The following ADH7 variants were observed in gnomAD, a reference collection of about 807,000 sequenced individuals.
ADH7 encodes all-trans-retinol dehydrogenase [NAD(+)] ADH7.
Under a neutral mutation model 34.4 loss-of-function variants are expected in ADH7, and 41 were observed. The ratio of observed to expected loss-of-function variants is 1.19; its 90% confidence interval spans 0.93 to 1.55. The LOEUF is 1.55. Among genes scored for constraint, ADH7 ranks in the 40% most tolerant of loss-of-function variants. ADH7 has a pLI of 0.00. For missense variants in ADH7, 540 were observed against 461.2 expected (o/e 1.17, Z -1.56); for synonymous variants, 180 against 160.9 (o/e 1.12, Z -0.90).
intron 5 of ADH7, among the ~76,000 whole-genome samples, chr4:99,425,003 G>A (rs1005906148): frequency 6.6e-6 from 1 of 151,816 alleles, no homozygotes; most frequent in Non-Finnish European, 1.5e-5. Context: ...TATGACATTG[G>A]CTGTGGATTT....
At chr4:99,428,062 T>A in intron 4 of ADH7, 25 bp downstream of exon 4, 4 of 1,613,444 alleles carry the variant, frequency 2.5e-6, no homozygotes, top group Non-Finnish European at 3.4e-6. Context: ...GTAAATACAT[T>A]AAAGTAAAAA....
At chr4:99,417,972 GA>G (rs1721558209) in intron 7 of ADH7, among the ~76,000 whole-genome samples, 1 of 152,092 alleles carries the variant, frequency 6.6e-6, no homozygotes, top group Non-Finnish European at 1.5e-5. Flanking sequence ...GCAGAAAGAG[GA>G]AAAACTTTGT....
chr4:99,415,355 G>A, intron 8 of ADH7, 123 bp downstream of exon 8: 1 of 1,041,132 alleles, frequency 9.6e-7, no homozygotes, highest in Non-Finnish European at 1.4e-6. Flanking sequence ...GTAATTAGCT[G>A]TATCAATCTG....
intron 7 of ADH7, 107 bp from the exon 8 acceptor site, chr4:99,415,723 T>C: frequency 8.4e-7 from 1 of 1,189,308 alleles, no homozygotes; most frequent in South Asian, 1.6e-5. Context: ...TTCCCTGTGT[T>C]AGATCATTCC....
chr4:99,428,639 A>C lies in ADH7; in HGVS notation c.121-9T>G, dbSNP rs762018278. 1 of 1,610,118 alleles carries C rather than the reference A, an allele frequency of 6.2e-7. No individual in the cohort carries two copies. The highest frequency in any genetic ancestry group is 1.1e-5 in the South Asian group (1 of 89,996). ...ATTCCTGTGGCCAAAATCTGTGTTC[A>C]AAGACAAAAACATTGCACCAATCAA... On this transcript the variant is annotated splice_polypyrimidine_tract_variant and intron_variant, in intron 2 of 8. Coordinates refer to ENST00000437033, the MANE Select transcript of ADH7 (RefSeq NM_000673.7).
intron 1 of ADH7, chr4:99,430,436 C>T (rs941188419): frequency 1.3e-5 from 2 of 152,144 alleles, no homozygotes; most frequent in African/African-American, 4.8e-5. Flanking sequence ...GAGACAGACA[C>T]ACATAGAGAA....
intron 5 of ADH7, among the ~76,000 whole-genome samples, chr4:99,421,787 A>G (rs899326357): frequency 6.6e-6 from 1 of 152,232 alleles, no homozygotes; most frequent in Non-Finnish European, 1.5e-5. Flanking sequence ...TTTACAAGGA[A>G]CTTAAACAAA....
chr4:99,429,544 T>G lies in ADH7; in HGVS notation c.108A>C (p.Glu36Asp). The G allele has an allele frequency of 6.2e-7, 1 of 1,611,466 alleles. No individual in the cohort carries two copies. Among genetic ancestry groups the G allele is most frequent in the Non-Finnish European group, 8.5e-7 (1 of 1,178,606 alleles). Residue 36 changes from glutamate (E) to aspartate (D), a missense_variant, in exon 2 of 9, where the codon GAA becomes GAC. Glu to Asp is a conservative substitution (Grantham distance 45). Transcript: ENST00000437033. Reference sequence around the variant, plus strand: ...GGCTCACGCTTACCTTAATGCGAACTTCTTTAGTCTTTGGTGGGGCAACTT... The same window carrying G: ...GGCTCACGCTTACCTTAATGCGAACGTCTTTAGTCTTTGGTGGGGCAACTT... The part of the protein sequence containing the change: ...EIEVAPPKTK[E>D]VRIKILATGI...
chr4:99,415,814 C>T, intron 7 of ADH7, 198 bp from the exon 8 acceptor site: 1 of 433,040 alleles, frequency 2.3e-6, no homozygotes. Flanking sequence ...GAGTTCATGT[C>T]CTTTGCAGGG....
rs1357603958 is a variant in ADH7 at position 99,420,871 on chromosome 4, A to G, written c.565-78T>C. On this transcript the variant is annotated intron_variant, in intron 5 of 8. Coordinates refer to ENST00000437033, the MANE Select transcript of ADH7 (RefSeq NM_000673.7). The stretch of plus-strand genomic sequence containing the variant: ...ACCTGAAAAGGGCCTCCAGTTAAAA[A>G]CACAAATCATGAGTGAACTCCCATT... 6 of 1,390,638 alleles carry G rather than the reference A, an allele frequency of 4.3e-6. No individual in the cohort carries two copies. In the South Asian group the frequency reaches 7.8e-5, roughly 18 times the overall value. 86.1% of individuals were successfully genotyped at this position (1,390,638 alleles called of 1,614,324 possible).
At chr4:99,416,279 T>C (rs1330141881) in intron 7 of ADH7, among the ~76,000 whole-genome samples, 1 of 152,212 alleles carries the variant, frequency 6.6e-6, no homozygotes, top group Non-Finnish European at 1.5e-5. Flanking sequence ...TTCAGTTCAC[T>C]GTTTCTGGAT....
At chr4:99,420,398 T>C in intron 6 of ADH7, 135 bp downstream of exon 6, 2 of 1,070,852 alleles carry the variant, frequency 1.9e-6, no homozygotes, top group Non-Finnish European at 2.6e-6. Flanking sequence ...GATTATCAGT[T>C]TTTGCCTGAG....
At chr4:99,423,787 C>T (rs943760470) in intron 5 of ADH7, among the ~76,000 whole-genome samples, 3 of 152,142 alleles carry the variant, frequency 2.0e-5, no homozygotes, top group Admixed American at 1.3e-4. Context: ...AGCCCTTTGT[C>T]AGATGAGTAG....
chr4:99,418,993 G>C lies in ADH7; in HGVS notation c.954C>G (p.Val318=). The change falls in exon 7 of 9, where the codon GTC becomes GTG. Residue 318 remains valine, a synonymous_variant. Coordinates refer to ENST00000437033, the MANE Select transcript of ADH7 (RefSeq NM_000673.7). ...AGGCTTTGCTTTCCTGACCTCCAAA[G>C]ACACATCCCTTCCATGTGCGTCCAG... ...LFTGRTWKGC[V]FGGLKSRDDV... is the part of the protein sequence containing the mutation. 1 of 1,613,702 alleles carries C rather than the reference G, an allele frequency of 6.2e-7. No homozygotes were observed. Among genetic ancestry groups the C allele is most frequent in the Non-Finnish European group, 8.5e-7 (1 of 1,179,738 alleles).
At chr4:99,425,386 C>CA (rs1386541028) in intron 5 of ADH7, among the ~76,000 whole-genome samples, 1 of 151,346 alleles carries the variant, frequency 6.6e-6, no homozygotes, top group African/African-American at 2.4e-5. Context: ...AAATGGAAAA[C>CA]AAAAAAAGGC....
At chr4:99,420,429 A>C in intron 6 of ADH7, 104 bp downstream of exon 6, 2 of 1,291,444 alleles carry the variant, frequency 1.5e-6, no homozygotes, top group Non-Finnish European at 2.1e-6. Flanking sequence ...TATCGCAGAG[A>C]TATTTCCATT....
At chr4:99,422,206 A>G (rs758122256) in intron 5 of ADH7, among the ~76,000 whole-genome samples, 5 of 152,254 alleles carry the variant, frequency 3.3e-5, no homozygotes, top group Non-Finnish European at 7.3e-5. Flanking sequence ...ATGCACACGT[A>G]TGTTTATTGC....
chr4:99,425,825 C>T (rs932972871), intron 5 of ADH7, among the ~76,000 whole-genome samples: 20 of 152,006 alleles, frequency 1.3e-4, no homozygotes, highest in Non-Finnish European at 2.8e-4. Flanking sequence ...CTCTCCTCAG[C>T]AAATGTAAAA....
At chr4:99,429,910 T>C (rs969027459) in intron 1 of ADH7, among the ~76,000 whole-genome samples, 1 of 152,118 alleles carries the variant, frequency 6.6e-6, no homozygotes, top group Non-Finnish European at 1.5e-5. Flanking sequence ...TTTTCCCAAC[T>C]TATTGATTTT....
Sources: allele counts gnomAD v4.1 joint callset (sites outside exome capture counted in the v4.1 genomes callset), GRCh38; gene constraint gnomAD v4.1.1; transcripts MANE v1.5; gene names NCBI Gene and HGNC (gene_info 2026-07-23, HGNC 2026-07-21).